The following SYT16 variants were observed in gnomAD, a reference collection of about 807,000 sequenced individuals.
The protein encoded by SYT16 is synaptotagmin 16.
Under a neutral mutation model 61.4 loss-of-function variants are expected in SYT16, and 42 were observed. The ratio of observed to expected loss-of-function variants is 0.68; its 90% CI spans 0.53 to 0.89. The LOEUF (loss-of-function observed/expected upper bound fraction) is 0.89. Among genes scored for constraint, SYT16 ranks in the 40% least tolerant of loss-of-function variants. The pLI is 0.00. For synonymous variants in SYT16, 314 were observed against 302.3 expected, an observed-to-expected ratio of 1.04 and a Z score of -0.40; for missense variants, 804 against 807.3, an observed-to-expected ratio of 1.00 and a Z score of 0.05.
intron 1 of SYT16, among the ~76,000 whole-genome samples, chr14:61,855,324 T>C (rs530767816): frequency 6.6e-6 from 1 of 152,218 alleles, no homozygotes; most frequent in East Asian, 1.9e-4. Context: ...CCTTGACTTA[T>C]GATGGGGTTG....
At chr14:62,033,245 T>C (rs1454871546) in intron 3 of SYT16, among the ~76,000 whole-genome samples, 2 of 152,038 alleles carry the variant, frequency 1.3e-5, no homozygotes, top group African/African-American at 4.8e-5. Flanking sequence ...CTTCGGATTG[T>C]GTTATGAATG....
intron 5 of SYT16, among the ~76,000 whole-genome samples, chr14:62,078,151 C>CTATATATATATATATATA (rs1427469359): frequency 4.7e-5 from 5 of 106,418 alleles, no homozygotes; most frequent in African/African-American, 1.5e-4. Context: ...CTCTCTCTCT[C>CTATATATATATATATATA]TCTCTATATA....
intron 3 of SYT16, among the ~76,000 whole-genome samples, chr14:62,006,631 C>T (rs559052293): frequency 1.6e-4 from 25 of 151,974 alleles, no homozygotes; most frequent in South Asian, 6.2e-4. Context: ...TAGCAGTTGC[C>T]GATGATTAAG....
At chr14:61,991,274 C>G (rs2052539002) in intron 2 of SYT16, among the ~76,000 whole-genome samples, 1 of 150,948 alleles carries the variant, frequency 6.6e-6, no homozygotes, top group South Asian at 2.1e-4. Flanking sequence ...ATGACAAGAC[C>G]TTAAATGTAT....
intron 3 of SYT16, among the ~76,000 whole-genome samples, chr14:62,046,195 A>C (rs1379693285): frequency 2.6e-5 from 4 of 152,114 alleles, no homozygotes; most frequent in African/African-American, 4.8e-5. Flanking sequence ...CATTTCTCTG[A>C]TGGCCAGTGA....
chr14:61,993,235 G>T (rs1311875175), intron 2 of SYT16, among the ~76,000 whole-genome samples: 1 of 151,758 alleles, frequency 6.6e-6, no homozygotes, highest in Non-Finnish European at 1.5e-5. Context: ...GACACAGGAA[G>T]GGGAACATCA....
intron 1 of SYT16, among the ~76,000 whole-genome samples, chr14:61,862,554 C>T (rs2046998121): frequency 2.0e-5 from 3 of 152,280 alleles, no homozygotes; most frequent in Admixed American, 6.5e-5. Context: ...CCTACACATG[C>T]ACAGCCTTCT....
chr14:61,936,053 A>G (rs945008821), intron 1 of SYT16, among the ~76,000 whole-genome samples: 1 of 152,180 alleles, frequency 6.6e-6, no homozygotes, highest in African/African-American at 2.4e-5. Context: ...TCTTTAGAAA[A>G]AAAACCTCTG....
At chr14:61,880,204 A>T (rs998211771) in intron 1 of SYT16, among the ~76,000 whole-genome samples, 4 of 152,208 alleles carry the variant, frequency 2.6e-5, no homozygotes, top group African/African-American at 9.6e-5. Flanking sequence ...GCTTGGCATA[A>T]CCGTGAATAA....
At chr14:62,063,789 C>T (rs1434263371) in intron 3 of SYT16, among the ~76,000 whole-genome samples, 1 of 152,200 alleles carries the variant, frequency 6.6e-6, no homozygotes, top group African/African-American at 2.4e-5. Context: ...TTTTTGGATA[C>T]CTTTCTGCCT....
chr14:61,956,895 T>A (rs1394882699), intron 1 of SYT16, among the ~76,000 whole-genome samples: 1 of 152,034 alleles, frequency 6.6e-6, no homozygotes, highest in East Asian at 1.9e-4. Flanking sequence ...TTTTTTTAAA[T>A]CTGTACATTG....
Position 61,957,952 on chromosome 14 carries a change from T to A in SYT16, c.-324-12180T>A, listed in dbSNP as rs994612475. Among the ~76,000 whole-genome samples the A allele has an allele frequency of 3.9e-5, 6 of 151,990 alleles. No individual in the cohort carries two copies. The East Asian group carries it at 5.8e-4, about 15-fold the overall frequency. On this transcript the variant is annotated intron_variant, in intron 1 of 7. Coordinates refer to ENST00000683842, the MANE Select transcript of SYT16 (RefSeq NM_001367656.1). ...GGCTCGACTTTGTTGGGAGTTTTTT[T>A]ATTATTCCTTCAATATCCTAATTTG...
At chr14:62,074,090 A>T (rs1481934398) in intron 4 of SYT16, among the ~76,000 whole-genome samples, 7 of 152,160 alleles carry the variant, frequency 4.6e-5, no homozygotes, top group African/African-American at 1.7e-4. Context: ...AAAGAGGCCA[A>T]AGAGATAAGA....
intron 1 of SYT16, among the ~76,000 whole-genome samples, chr14:61,884,186 G>A (rs9635238): frequency 0.3 from 44,947 of 151,994 alleles, 6,851 homozygotes; most frequent in Admixed American, 0.32. Flanking sequence ...GAAATCTCAG[G>A]ACTATTTTTC....
intron 4 of SYT16, among the ~76,000 whole-genome samples, chr14:62,073,074 G>T (rs1349257850): frequency 2.0e-5 from 3 of 151,950 alleles, no homozygotes; most frequent in African/African-American, 7.3e-5. Context: ...CCTCCTCCTC[G>T]CAACTTGACT....
intron 2 of SYT16, among the ~76,000 whole-genome samples, chr14:61,984,467 T>C (rs1447764146): frequency 6.6e-6 from 1 of 152,214 alleles, no homozygotes; most frequent in African/African-American, 2.4e-5. Flanking sequence ...AGCTGCTCTA[T>C]TGCAGGACTC....
chr14:62,012,175 C>A (rs1343756903), intron 3 of SYT16, among the ~76,000 whole-genome samples: 3 of 152,118 alleles, frequency 2.0e-5, no homozygotes, highest in African/African-American at 7.2e-5. Flanking sequence ...TTAGCTGAAT[C>A]CTTTGCTTAG....
intron 1 of SYT16, among the ~76,000 whole-genome samples, chr14:61,816,903 C>T (rs902317074): frequency 4.0e-5 from 6 of 151,220 alleles, no homozygotes; most frequent in Admixed American, 2.0e-4. Flanking sequence ...CCCATCTACT[C>T]GGGAGGCTGA....
chr14:62,048,453 G>C (rs2055104114), intron 3 of SYT16, among the ~76,000 whole-genome samples: 1 of 152,002 alleles, frequency 6.6e-6, no homozygotes, highest in African/African-American at 2.4e-5. Context: ...ATTTTTTGAA[G>C]GGTTTTTTGT....
Sources: gnomAD v4.1 joint callset for allele counts (sites outside exome capture counted in the v4.1 genomes callset) on GRCh38, gnomAD v4.1.1 for gene constraint, MANE v1.5 for transcripts, NCBI Gene and HGNC (gene_info 2026-07-23, HGNC 2026-07-21) for gene names.